Variants in SLC44A5 observed in about 807,000 individuals in gnomAD.
SLC44A5 encodes the protein choline transporter-like protein 5.
A neutral mutation model predicts 101.8 loss-of-function variants in SLC44A5; 57 were observed. The ratio of observed to expected loss-of-function variants is 0.56; its 90% CI spans 0.45 to 0.70. The LOEUF is 0.70. Among genes scored for constraint, SLC44A5 ranks in the 30% least tolerant of loss-of-function variants. SLC44A5 has a pLI of 0.00. For missense variants in SLC44A5, 737 were observed against 853.1 expected, an observed-to-expected ratio of 0.86 and a Z score of 1.70; for synonymous variants, 281 against 290.9, an observed-to-expected ratio of 0.97 and a Z score of 0.35.
At chr1:75,474,045 G>A (rs1255611186) in intron 2 of SLC44A5, among the ~76,000 whole-genome samples, 1 of 152,064 alleles carries the variant, frequency 6.6e-6, no homozygotes, top group Non-Finnish European at 1.5e-5. Context: ...AAAAATATAT[G>A]TTAATAAAAA....
chr1:75,343,215 A>G (rs369311751), intron 3 of SLC44A5, among the ~76,000 whole-genome samples: 21 of 152,210 alleles, frequency 1.4e-4, no homozygotes, highest in Admixed American at 4.6e-4. Context: ...CTTTCTGATC[A>G]CCAAGTTTAT....
chr1:75,257,881 G>A (rs1237930550), intron 6 of SLC44A5, among the ~76,000 whole-genome samples: 3 of 152,120 alleles, frequency 2.0e-5, no homozygotes, highest in South Asian at 4.1e-4. Context: ...GTTGGACAGT[G>A]GGTGTAGCCC....
intron 3 of SLC44A5, among the ~76,000 whole-genome samples, chr1:75,368,438 T>C (rs748508788): frequency 4.6e-5 from 7 of 152,228 alleles, no homozygotes; most frequent in East Asian, 1.9e-4. Flanking sequence ...CACAGTTGGC[T>C]AAATCTGCAG....
rs536959270 is a variant in SLC44A5 at position 75,222,471 on chromosome 1, GA to G, written c.986-12del. The G allele has an allele frequency of 4.7e-3, 6,819 of 1,439,048 alleles. 7 individuals carry two copies. Among genetic ancestry groups the G allele is most frequent in the Non-Finnish European group, 5.5e-3 (5,762 of 1,055,334 alleles). 89.1% of individuals were successfully genotyped at this position (1,439,048 alleles called of 1,614,324 possible). A position where few individuals can be genotyped will look rare whatever the true frequency, so the allele number is the denominator to read the frequency against. Reference sequence around the variant, plus strand: ...TGCAGAGTATTATCACTTTGAACAGGAAAAAAAAAATCAGTCTGTAATACAA... The same window carrying G: ...TGCAGAGTATTATCACTTTGAACAGGAAAAAAAAATCAGTCTGTAATACAA... On this transcript the variant is annotated splice_polypyrimidine_tract_variant and intron_variant, in intron 13 of 23. Coordinates refer to ENST00000370859, the MANE Select transcript of SLC44A5 (RefSeq NM_001130058.2).
the SLC44A5 span, among the ~76,000 whole-genome samples, chr1:75,659,338 AAG>A: frequency 2.0e-5 from 3 of 149,064 alleles, no homozygotes; most frequent in East Asian, 2.0e-4. Context: ...GAAAGAAGAA[AAG>A]AGAGAAAAAA....
At chr1:75,375,622 G>A (rs1244543294) in intron 3 of SLC44A5, among the ~76,000 whole-genome samples, 1 of 151,866 alleles carries the variant, frequency 6.6e-6, no homozygotes, top group African/African-American at 2.4e-5. Context: ...GTTCACAAAG[G>A]GAACCCCATC....
At chr1:75,701,952 G>T in the SLC44A5 span, among the ~76,000 whole-genome samples, 1 of 152,066 alleles carries the variant, frequency 6.6e-6, no homozygotes, top group East Asian at 1.9e-4. Flanking sequence ...ACCTACAAGG[G>T]ACATGAAGGA....
chr1:75,228,634 T>A (rs1178060439), intron 12 of SLC44A5, among the ~76,000 whole-genome samples: 8 of 151,944 alleles, frequency 5.3e-5, no homozygotes, highest in Admixed American at 5.2e-4. Context: ...CTTCTTTTCT[T>A]CCAATTCTTG....
At chr1:75,432,029 C>T (rs1253032035) in intron 2 of SLC44A5, among the ~76,000 whole-genome samples, 5 of 152,152 alleles carry the variant, frequency 3.3e-5, no homozygotes, top group Admixed American at 3.3e-4. Flanking sequence ...CAAGCCAGTT[C>T]ATGTCAATAA....
At position 75,330,151 on chromosome 1, in the gene SLC44A5, GTATATGCATATATATACGTA is replaced by G. The variant is rs142077685; in HGVS notation, c.101+9411_101+9430del. On this transcript the variant is annotated intron_variant, in intron 4 of 23. Transcript: ENST00000370859. Reference sequence around the variant, plus strand: ...CACACACACACACACATGCATATACGTATATGCATATATATACGTATATATGCATATATATACGTATATGC... The same window carrying G: ...CACACACACACACACATGCATATACGTATATGCATATATATACGTATATGC... Among the ~76,000 whole-genome samples, 48 of 117,790 alleles carry G rather than the reference GTATATGCATATATATACGTA, an allele frequency of 4.1e-4. 1 individual carries two copies. Among genetic ancestry groups the G allele is most frequent in the Middle Eastern group, 4.7e-3 (1 of 214 alleles). 77.3% of individuals were successfully genotyped at this position (117,790 alleles called of 152,430 possible).
chr1:75,221,960 C>CTT (rs1386952425), intron 14 of SLC44A5, among the ~76,000 whole-genome samples: 61 of 97,178 alleles, frequency 6.3e-4, no homozygotes, highest in African/African-American at 3.4e-3. Context: ...TCTTCTTCTT[C>CTT]TTTTTTTTTT....
At chr1:75,660,836 T>A in the SLC44A5 span, among the ~76,000 whole-genome samples, 1 of 152,080 alleles carries the variant, frequency 6.6e-6, no homozygotes, top group Non-Finnish European at 1.5e-5. Flanking sequence ...TGGAAAAATA[T>A]CTCATGCTCA....
the SLC44A5 span, among the ~76,000 whole-genome samples, chr1:75,692,939 C>T: frequency 6.6e-6 from 1 of 151,966 alleles, no homozygotes; most frequent in Non-Finnish European, 1.5e-5. Context: ...ATTCTGCCAG[C>T]TGAGAATAGT....
At chr1:75,442,586 T>C (rs568406519) in intron 2 of SLC44A5, among the ~76,000 whole-genome samples, 33 of 152,132 alleles carry the variant, frequency 2.2e-4, no homozygotes, top group South Asian at 4.1e-4. Flanking sequence ...AAGTCAGCCA[T>C]TACAAAATCT....
At chr1:75,450,757 TG>T (rs1317882898) in intron 2 of SLC44A5, among the ~76,000 whole-genome samples, 2 of 152,164 alleles carry the variant, frequency 1.3e-5, no homozygotes, top group Non-Finnish European at 2.9e-5. Context: ...TCCAGGGACT[TG>T]GAGCACCTGC....
intron 2 of SLC44A5, among the ~76,000 whole-genome samples, chr1:75,474,533 A>C (rs1667280818): frequency 1.3e-5 from 2 of 152,204 alleles, no homozygotes; most frequent in Admixed American, 1.3e-4. Context: ...TCATAAAATT[A>C]AGATATAGGT....
intron 3 of SLC44A5, among the ~76,000 whole-genome samples, chr1:75,387,282 A>G (rs1256497573): frequency 2.0e-5 from 3 of 150,866 alleles, no homozygotes; most frequent in African/African-American, 7.3e-5. Flanking sequence ...CAACCTACAA[A>G]ATGGGAGAAA....
At chr1:75,553,162 A>G (rs886904708) in intron 1 of SLC44A5, among the ~76,000 whole-genome samples, 1 of 152,238 alleles carries the variant, frequency 6.6e-6, no homozygotes, top group Non-Finnish European at 1.5e-5. Context: ...GCATGAATAC[A>G]ATTATGTATA....
At chr1:75,281,650 C>G (rs955000948) in intron 5 of SLC44A5, among the ~76,000 whole-genome samples, 1 of 100,008 alleles carries the variant, frequency 1.0e-5, no homozygotes, top group African/African-American at 3.3e-5. Context: ...CCCCCCCCCC[C>G]CGCTGCATTT....
Sources: allele counts gnomAD v4.1 joint callset (sites outside exome capture counted in the v4.1 genomes callset), GRCh38; gene constraint gnomAD v4.1.1; transcripts MANE v1.5; gene names NCBI Gene and HGNC (gene_info 2026-07-23, HGNC 2026-07-21).